Variants in CLXN observed in about 807,000 individuals in gnomAD.
CLXN encodes calaxin, also known as EF-hand calcium binding domain 1.
the CLXN span, among the ~76,000 whole-genome samples, chr8:48,728,227 C>T: frequency 2.0e-5 from 3 of 152,206 alleles, no homozygotes. Context: ...TCAGAGCACA[C>T]CAAAACCTCG....
At chr8:48,719,962 G>T in the CLXN span, among the ~76,000 whole-genome samples, 2 of 152,188 alleles carry the variant, frequency 1.3e-5, no homozygotes, top group African/African-American at 2.4e-5. Flanking sequence ...CAGGGACCCC[G>T]AATGGAGGGA....
At chr8:48,719,724 A>G in the CLXN span, among the ~76,000 whole-genome samples, 1 of 152,238 alleles carries the variant, frequency 6.6e-6, no homozygotes, top group Admixed American at 6.5e-5. Flanking sequence ...CCAACCATTC[A>G]TGATGAAATC....
At chr8:48,719,599 C>A in the CLXN span, among the ~76,000 whole-genome samples, 2 of 152,122 alleles carry the variant, frequency 1.3e-5, no homozygotes, top group Non-Finnish European at 2.9e-5. Context: ...CCCTGGGATG[C>A]AAAGATGCTT....
At chr8:48,732,741 A>G in the CLXN span, among the ~76,000 whole-genome samples, 1 of 152,210 alleles carries the variant, frequency 6.6e-6, no homozygotes, top group Non-Finnish European at 1.5e-5. Context: ...TGGATAGACA[A>G]AATGTGGTGT....
chr8:48,722,400 C>T, the CLXN span, among the ~76,000 whole-genome samples: 2 of 152,124 alleles, frequency 1.3e-5, no homozygotes, highest in African/African-American at 2.4e-5. Context: ...GTGGGACTAC[C>T]ATTTGATCCA....
the CLXN span, among the ~76,000 whole-genome samples, chr8:48,722,703 C>G: frequency 6.6e-6 from 1 of 152,086 alleles, no homozygotes; most frequent in African/African-American, 2.4e-5. Context: ...TCCCTCCACC[C>G]TAACTCTACA....
the CLXN span, among the ~76,000 whole-genome samples, chr8:48,720,384 C>T: frequency 6.6e-6 from 1 of 152,022 alleles, no homozygotes; most frequent in Non-Finnish European, 1.5e-5. Flanking sequence ...TATTAATATC[C>T]TGGGGAAGGA....
chr8:48,714,448 G>C, the CLXN span, among the ~76,000 whole-genome samples: 19 of 152,172 alleles, frequency 1.2e-4, no homozygotes, highest in Non-Finnish European at 1.5e-5. Context: ...CAAGTGCCAC[G>C]ATCATCTTAA....
At chr8:48,731,380 A>T in the CLXN span, 1 of 1,612,908 alleles carries the variant, frequency 6.2e-7, no homozygotes, top group East Asian at 2.2e-5. Context: ...TGTCATTCCA[A>T]ATGTCACATG....
At chr8:48,711,353 A>G in the CLXN span, 126,140 of 151,976 alleles carry the variant, frequency 0.83, 52,453 homozygotes, top group South Asian at 0.88. Context: ...GGTGGTCTCT[A>G]CCTCTCTTCC....
the CLXN span, among the ~76,000 whole-genome samples, chr8:48,722,585 TA>T: frequency 3.3e-5 from 5 of 152,176 alleles, no homozygotes; most frequent in East Asian, 3.9e-4. Flanking sequence ...TGTGTGTGTG[TA>T]TATACACATG....
chr8:48,726,870 AATCTATCTATCT>A, the CLXN span, among the ~76,000 whole-genome samples: 156 of 136,326 alleles, frequency 1.1e-3, no homozygotes, highest in East Asian at 5.1e-3. Flanking sequence ...TGCATCTATC[AATCTATCTATCT>A]ATCTATCTAT....
At chr8:48,725,673 G>A in the CLXN span, among the ~76,000 whole-genome samples, 9 of 152,002 alleles carry the variant, frequency 5.9e-5, no homozygotes, top group South Asian at 4.1e-4. Context: ...GCGTGGTGGC[G>A]CATGCCTCTA....
At chr8:48,712,979 G>A in the CLXN span, among the ~76,000 whole-genome samples, 1 of 132,040 alleles carries the variant, frequency 7.6e-6, no homozygotes, top group Non-Finnish European at 1.6e-5. Flanking sequence ...AACAGAGTGA[G>A]ACTCCTCTGT....
At chr8:48,731,364 G>A in the CLXN span, 9 of 1,610,432 alleles carry the variant, frequency 5.6e-6, no homozygotes, top group Non-Finnish European at 6.8e-6. Flanking sequence ...CCATAATCAT[G>A]TCATCTGTCA....
chr8:48,717,983 T>G, the CLXN span, among the ~76,000 whole-genome samples: 1 of 152,092 alleles, frequency 6.6e-6, no homozygotes, highest in Admixed American at 6.5e-5. Flanking sequence ...AGGTACATAG[T>G]TATTAATGGT....
At chr8:48,728,992 T>C in the CLXN span, 1 of 1,385,414 alleles carries the variant, frequency 7.2e-7, no homozygotes, top group African/African-American at 1.5e-5. Flanking sequence ...AAGTCCTGGG[T>C]TGTTCTACAT....
the CLXN span, chr8:48,731,592 G>A: frequency 4.2e-5 from 45 of 1,069,498 alleles, no homozygotes; most frequent in East Asian, 2.5e-4. Flanking sequence ...GACAAACAAC[G>A]TCAAAGACAT....
chr8:48,726,042 C>T, the CLXN span, among the ~76,000 whole-genome samples: 1 of 146,676 alleles, frequency 6.8e-6, no homozygotes, highest in Non-Finnish European at 1.5e-5. Flanking sequence ...CATCTACCCA[C>T]CCACCTACCT....
Sources: gnomAD v4.1 joint callset for allele counts (sites outside exome capture counted in the v4.1 genomes callset) on GRCh38, gnomAD v4.1.1 for gene constraint, MANE v1.5 for transcripts, NCBI Gene and HGNC (gene_info 2026-07-23, HGNC 2026-07-21) for gene names.